The following GPAT4 variants were observed in gnomAD, a reference collection of about 807,000 sequenced individuals.
GPAT4 encodes the protein glycerol-3-phosphate acyltransferase 4.
Under a neutral mutation model 58.0 loss-of-function variants are expected in GPAT4, and 17 were observed. The ratio of observed to expected loss-of-function variants is 0.29; its 90% CI spans 0.20 to 0.44. The LOEUF (loss-of-function observed/expected upper bound fraction) is 0.44. GPAT4 is among the 20% of genes least tolerant of loss of function. GPAT4 has a pLI of 1.00. For synonymous variants in GPAT4, 204 were observed against 210.1 expected (o/e 0.97, Z 0.25); for missense variants, 377 against 574.5 (o/e 0.66, Z 3.51).
Position 41,609,859 on chromosome 8 carries a change from G to T in GPAT4, c.440G>T (p.Ser147Ile). ...AEELESWNLL[S>I]RTNYNFQYIS... is the part of the protein sequence containing the mutation. ...GAACTGGAGTCCTGGAACCTGCTGA[G>T]CAGAACCAATTATAACTTCCAGTAC... The change falls in exon 4 of 13, where the codon AGC becomes ATC. Residue 147 changes from serine to isoleucine, a missense_variant. By Grantham distance (142) the Ser-to-Ile change is moderately radical. Transcript: ENST00000396987. 1 of 1,614,236 alleles carries T rather than the reference G, an allele frequency of 6.2e-7. No individual in the cohort carries two copies.
chr8:41,587,990 A>G (rs17600159), intron 1 of GPAT4, among the ~76,000 whole-genome samples: 7,337 of 152,234 alleles, frequency 0.048, 201 homozygotes, highest in Non-Finnish European at 0.067. Context: ...TTTACGACTA[A>G]CCTTTTTATT....
At chr8:41,595,737 T>C (rs566934412) in intron 1 of GPAT4, among the ~76,000 whole-genome samples, 24 of 152,308 alleles carry the variant, frequency 1.6e-4, no homozygotes, top group African/African-American at 5.3e-4. Context: ...CTTTTCCTTT[T>C]GCCTCTGCCT....
At chr8:41,592,813 C>G (rs144664390) in intron 1 of GPAT4, among the ~76,000 whole-genome samples, 38 of 152,220 alleles carry the variant, frequency 2.5e-4, no homozygotes, top group African/African-American at 7.5e-4. Context: ...CAGTCCAGCC[C>G]CATCGATTCC....
chr8:41,624,153 A>T lies in GPAT4; in HGVS notation c.*3152A>T, dbSNP rs1176886797. 1 of 152,260 alleles carries T rather than the reference A, an allele frequency of 6.6e-6. No homozygotes were observed. Among genetic ancestry groups the T allele is most frequent in the Non-Finnish European group, 1.5e-5 (1 of 68,076 alleles). The allele number at this position is 152,260 out of a possible 1,614,324, so 9.4% of individuals were successfully genotyped here. ...CGCCCAGCCAAGAGGGAACTTTTTA[A>T]TAAAGCTAGTGGGATTCCCTTGACA... On this transcript the variant is annotated 3_prime_UTR_variant, in exon 13 of 13. Coordinates refer to ENST00000396987, the MANE Select transcript of GPAT4 (RefSeq NM_178819.4).
intron 1 of GPAT4, among the ~76,000 whole-genome samples, chr8:41,578,882 G>A (rs1449798501): frequency 2.0e-5 from 3 of 152,164 alleles, no homozygotes; most frequent in African/African-American, 7.2e-5. Flanking sequence ...AAGTTTAGCT[G>A]TTCAGAAGTT....
chr8:41,607,427 G>A (rs1417598794), intron 2 of GPAT4, among the ~76,000 whole-genome samples: 1 of 152,140 alleles, frequency 6.6e-6, no homozygotes, highest in Non-Finnish European at 1.5e-5. Flanking sequence ...TTTGCACATT[G>A]AAACAATCCT....
intron 1 of GPAT4, among the ~76,000 whole-genome samples, chr8:41,594,546 CT>C (rs35439986): frequency 8.2e-4 from 109 of 133,520 alleles, no homozygotes; most frequent in South Asian, 1.2e-3. Flanking sequence ...TTATTACAAA[CT>C]TTTTTTTTTT....
chr8:41,596,680 G>T lies in GPAT4; in HGVS notation c.-848-1612G>T, dbSNP rs564236624. Among the ~76,000 whole-genome samples, 94 of 152,356 alleles carry T rather than the reference G, an allele frequency of 6.2e-4. 1 individual carries two copies. The highest frequency in any genetic ancestry group is 2.9e-3 in the Admixed American group (44 of 15,310). ...GCTGGTCTGAGTCCCCCGCAGGGAT[G>T]CTCCACAGGGCAGGCCTAAGTCACC... On this transcript the variant is annotated intron_variant, in intron 1 of 12. Coordinates refer to ENST00000396987, the MANE Select transcript of GPAT4 (RefSeq NM_178819.4).
chr8:41,594,546 C>CTTT lies in GPAT4; in HGVS notation c.-848-3731_-848-3729dup, dbSNP rs35439986. 1.8e-3 allele frequency among the ~76,000 whole-genome samples: 245 copies of CTTT among 133,522 alleles called. 9 individuals are homozygous for CTTT. The highest frequency in any genetic ancestry group is 2.1e-3 in the East Asian group (10 of 4,652). The allele number at this position is 133,522 out of a possible 152,430, so 87.6% of individuals were successfully genotyped here. A position where few individuals can be genotyped will look rare whatever the true frequency, so the allele number is the denominator to read the frequency against. ...TCTCAACTTTCTGACTTATTACAAACTTTTTTTTTTTTTTTTTGAGATGGA... is the reference window on the plus strand; with the variant it reads ...TCTCAACTTTCTGACTTATTACAAACTTTTTTTTTTTTTTTTTTTTGAGATGGA... On this transcript the variant is annotated intron_variant, in intron 1 of 12. Transcript: ENST00000396987.
rs1196443797 is a variant in GPAT4, at chr8:41,598,446, T to A, written c.-694T>A. On this transcript the variant is annotated 5_prime_UTR_variant, in exon 2 of 13. Transcript: ENST00000396987. ...ATGAGACATTGTGTGCCAGCATCTC[T>A]TTCCTTCTGGCAAAGACTGTAGCTC... The A allele has an allele frequency of 6.6e-6, 1 of 152,226 alleles. No homozygotes were observed. Among genetic ancestry groups the A allele is most frequent in the Non-Finnish European group, 1.5e-5 (1 of 68,076 alleles). The allele number at this position is 152,226 out of a possible 1,614,324, so 9.4% of individuals were successfully genotyped here. A position where few individuals can be genotyped will look rare whatever the true frequency, so the allele number is the denominator to read the frequency against.
chr8:41,588,997 C>A (rs1238936900), intron 1 of GPAT4, among the ~76,000 whole-genome samples: 1 of 152,110 alleles, frequency 6.6e-6, no homozygotes, highest in African/African-American at 2.4e-5. Context: ...GAATGGCTTC[C>A]CCAGCTCACA....
At chr8:41,600,214 A>G (rs1803050845) in intron 2 of GPAT4, among the ~76,000 whole-genome samples, 1 of 150,748 alleles carries the variant, frequency 6.6e-6, no homozygotes, top group Admixed American at 6.6e-5. Context: ...ATTTTTTCGT[A>G]TTTTTAGTAG....
intron 2 of GPAT4, among the ~76,000 whole-genome samples, chr8:41,603,835 A>G (rs1217653442): frequency 6.6e-6 from 1 of 152,176 alleles, no homozygotes; most frequent in East Asian, 1.9e-4. Context: ...CCTGAAGGCC[A>G]GCACCAGCCA....
chr8:41,594,573 T>C (rs1235719406), intron 1 of GPAT4, among the ~76,000 whole-genome samples: 8 of 138,916 alleles, frequency 5.8e-5, no homozygotes, highest in Non-Finnish European at 1.1e-4. Flanking sequence ...TGAGATGGAG[T>C]CTCGCTCTGT....
intron 7 of GPAT4, 79 bp from the exon 8 acceptor site, chr8:41,612,766 T>G: frequency 1.3e-4 from 170 of 1,261,942 alleles, no homozygotes; most frequent in Non-Finnish European, 1.7e-4. Context: ...GCTTATTTTG[T>G]GAGATGTGGT....
intron 2 of GPAT4, among the ~76,000 whole-genome samples, chr8:41,603,896 A>AGAATGAAT (rs56179166): frequency 0.21 from 31,668 of 150,720 alleles, 3,981 homozygotes; most frequent in South Asian, 0.31. Context: ...TCAGCTGCAC[A>AGAATGAAT]GAATGAATGA....
Position 41,610,819 on chromosome 8 carries a change from A to T in GPAT4, c.611+9A>T, listed in dbSNP as rs1157663627. The T allele has an allele frequency of 1.2e-6, 2 of 1,603,010 alleles. No homozygotes were observed. Among genetic ancestry groups the T allele is most frequent in the Non-Finnish European group, 1.7e-6 (2 of 1,174,602 alleles). ...TACTTGCCAAATGGGAGGTGAGTAG[A>T]GTGTGGCAGTCCATGCCTGAAGGAC... On this transcript the variant is annotated intron_variant, in intron 5 of 12. Transcript: ENST00000396987.
Position 41,611,924 on chromosome 8 carries a change from A to G in GPAT4, c.633A>G (p.Lys211=), listed in dbSNP as rs753229882. The G allele has an allele frequency of 9.9e-6, 16 of 1,614,080 alleles. No homozygotes were observed. The South Asian group carries it at 1.3e-4, about 13-fold the overall frequency. Residue 211 remains lysine (K), a synonymous_variant, in exon 6 of 13, where the codon AAA becomes AAG. Coordinates refer to ENST00000396987, the MANE Select transcript of GPAT4 (RefSeq NM_178819.4). ...PNGRFKEFMS[K]HVHLMCYRIC... ...GCAGGTTTAAGGAGTTCATGAGTAA[A>G]CATGTTCACTTAATGTGTTACCGGA...
chr8:41,600,212 G>A (rs753899040), intron 2 of GPAT4, among the ~76,000 whole-genome samples: 8 of 151,214 alleles, frequency 5.3e-5, no homozygotes, highest in Non-Finnish European at 8.9e-5. Context: ...CTATTTTTTC[G>A]TATTTTTAGT....
Sources: gnomAD v4.1 joint callset for allele counts (sites outside exome capture counted in the v4.1 genomes callset) on GRCh38, gnomAD v4.1.1 for gene constraint, MANE v1.5 for transcripts, NCBI Gene and HGNC (gene_info 2026-07-23, HGNC 2026-07-21) for gene names.